The following FBXW7 variants were observed in gnomAD, a reference collection of about 807,000 sequenced individuals.
FBXW7 encodes F-box/WD repeat-containing protein 7.
FBXW7 carries 11 observed loss-of-function variants against 86.3 expected under a neutral mutation model. That is an observed-to-expected ratio of 0.13 (90% confidence interval 0.08 to 0.21). The LOEUF is 0.21. FBXW7 is among the 10% of genes least tolerant of loss of function. FBXW7 has a pLI of 1.00. For missense variants in FBXW7, 488 were observed against 847.4 expected, an observed-to-expected ratio of 0.58 and a Z score of 5.27; for synonymous variants, 313 against 297.9, an observed-to-expected ratio of 1.05 and a Z score of -0.52.
Position 152,337,637 on chromosome 4 carries a change from T to G in FBXW7, c.861+165A>C, listed in dbSNP as rs142464422. 42 of 605,444 alleles carry G rather than the reference T, an allele frequency of 6.9e-5. No homozygotes were observed. The Middle Eastern group carries it at 1.8e-3, about 26-fold the overall frequency. The allele number at this position is 605,444 out of a possible 1,614,324, so 37.5% of individuals were successfully genotyped here. A position where few individuals can be genotyped will look rare whatever the true frequency, so the allele number is the denominator to read the frequency against. Reference sequence around the variant, plus strand: ...TTCTTTAATCTGACAATTACATTATTAAGTCATGGCAATTTATCAATTTAC... The same window carrying G: ...TTCTTTAATCTGACAATTACATTATGAAGTCATGGCAATTTATCAATTTAC... On this transcript the variant is annotated intron_variant, in intron 7 of 13. Coordinates refer to ENST00000281708, the MANE Select transcript of FBXW7 (RefSeq NM_001349798.2).
chr4:152,488,113 G>C (rs1745509702), intron 2 of FBXW7, among the ~76,000 whole-genome samples: 1 of 151,936 alleles, frequency 6.6e-6, no homozygotes, highest in Non-Finnish European at 1.5e-5. Flanking sequence ...TTGAAAGTTT[G>C]ACTATTTTAA....
At chr4:152,502,291 G>C (rs1210601794) in intron 2 of FBXW7, among the ~76,000 whole-genome samples, 1 of 151,962 alleles carries the variant, frequency 6.6e-6, no homozygotes, top group Non-Finnish European at 1.5e-5. Context: ...TTATTCTTTT[G>C]GCAGTACTAC....
chr4:152,467,975 TC>T (rs1743609045), intron 2 of FBXW7, among the ~76,000 whole-genome samples: 1 of 151,608 alleles, frequency 6.6e-6, no homozygotes, highest in South Asian at 2.1e-4. Context: ...AAAAAGATAA[TC>T]TTTTTTTTTT....
chr4:152,341,111 C>T (rs1258429059), intron 6 of FBXW7, among the ~76,000 whole-genome samples: 2 of 152,216 alleles, frequency 1.3e-5, no homozygotes, highest in African/African-American at 2.4e-5. Context: ...TTTCTACCTT[C>T]GGCTCTTCGT....
intron 4 of FBXW7, among the ~76,000 whole-genome samples, chr4:152,362,306 C>T (rs964046165): frequency 6.6e-6 from 1 of 151,830 alleles, no homozygotes; most frequent in African/African-American, 2.4e-5. Context: ...CATAATTATA[C>T]AATATGAAAA....
chr4:152,483,002 C>A (rs1745016462), intron 2 of FBXW7, among the ~76,000 whole-genome samples: 1 of 152,040 alleles, frequency 6.6e-6, no homozygotes, highest in African/African-American at 2.4e-5. Flanking sequence ...TCACAAAGAT[C>A]TTATTCTTTT....
intron 2 of FBXW7, among the ~76,000 whole-genome samples, chr4:152,419,811 G>T (rs1205847810): frequency 6.6e-6 from 1 of 151,904 alleles, no homozygotes; most frequent in South Asian, 2.1e-4. Flanking sequence ...AGCATTATGT[G>T]TAAAAAAAAT....
chr4:152,436,410 C>T (rs762212039), intron 2 of FBXW7, among the ~76,000 whole-genome samples: 23 of 152,090 alleles, frequency 1.5e-4, no homozygotes, highest in Admixed American at 2.0e-4. Flanking sequence ...GGTTGGTTCA[C>T]GGGCTTAAAA....
At chr4:152,487,828 G>A (rs1464652674) in intron 2 of FBXW7, among the ~76,000 whole-genome samples, 1 of 151,844 alleles carries the variant, frequency 6.6e-6, no homozygotes, top group African/African-American at 2.4e-5. Flanking sequence ...AGTTTTAATA[G>A]CTATACAATA....
chr4:152,502,136 A>G (rs942850327), intron 2 of FBXW7, among the ~76,000 whole-genome samples: 2 of 152,210 alleles, frequency 1.3e-5, no homozygotes, highest in Non-Finnish European at 2.9e-5. Flanking sequence ...TTTCTAATAT[A>G]TTAGCTATTA....
intron 2 of FBXW7, among the ~76,000 whole-genome samples, chr4:152,415,261 CAAG>C (rs943370597): frequency 2.0e-5 from 3 of 152,028 alleles, no homozygotes; most frequent in African/African-American, 7.2e-5. Context: ...ACCAATAAAA[CAAG>C]AAGTAGTTTA....
At chr4:152,514,885 C>A (rs898264422) in intron 2 of FBXW7, among the ~76,000 whole-genome samples, 3 of 152,096 alleles carry the variant, frequency 2.0e-5, no homozygotes, top group African/African-American at 7.2e-5. Context: ...GAGACTAGGA[C>A]GGGGGTATGT....
chr4:152,438,842 T>C (rs1740620047), intron 2 of FBXW7, among the ~76,000 whole-genome samples: 1 of 152,216 alleles, frequency 6.6e-6, no homozygotes, highest in Non-Finnish European at 1.5e-5. Flanking sequence ...GCACACCCAC[T>C]GCTACTTCAT....
chr4:152,513,707 T>C (rs1389045888), intron 2 of FBXW7, among the ~76,000 whole-genome samples: 2 of 152,220 alleles, frequency 1.3e-5, no homozygotes, highest in Non-Finnish European at 2.9e-5. Flanking sequence ...ACTTGTATAA[T>C]GAAAATGTAT....
chr4:152,438,573 G>T (rs77855497), intron 2 of FBXW7, among the ~76,000 whole-genome samples: 47 of 152,266 alleles, frequency 3.1e-4, no homozygotes, highest in African/African-American at 1.1e-3. Context: ...TACTCAGGAG[G>T]CTGAGGAACG....
chr4:152,443,816 A>C (rs1741124750), intron 2 of FBXW7, among the ~76,000 whole-genome samples: 1 of 152,182 alleles, frequency 6.6e-6, no homozygotes, highest in Non-Finnish European at 1.5e-5. Flanking sequence ...AAAAATTTTA[A>C]TGTTTTTCAG....
At chr4:152,468,032 T>C (rs939185303) in intron 2 of FBXW7, among the ~76,000 whole-genome samples, 2 of 152,048 alleles carry the variant, frequency 1.3e-5, no homozygotes, top group African/African-American at 4.8e-5. Context: ...AGAAGATATA[T>C]GGTCAATAAG....
intron 7 of FBXW7, among the ~76,000 whole-genome samples, chr4:152,333,598 T>A (rs1204847413): frequency 6.6e-6 from 1 of 152,166 alleles, no homozygotes; most frequent in Non-Finnish European, 1.5e-5. Context: ...AGCAATTAAG[T>A]TCAGTTTTCA....
intron 4 of FBXW7, among the ~76,000 whole-genome samples, chr4:152,397,011 A>G (rs1304805964): frequency 6.6e-6 from 1 of 152,036 alleles, no homozygotes; most frequent in African/African-American, 2.4e-5. Context: ...AAATTGGCAA[A>G]TCAAAGGAGG....
Sources: gnomAD v4.1 joint callset for allele counts (sites outside exome capture counted in the v4.1 genomes callset) on GRCh38, gnomAD v4.1.1 for gene constraint, MANE v1.5 for transcripts, NCBI Gene and HGNC (gene_info 2026-07-23, HGNC 2026-07-21) for gene names.